CD300LB: variants seen among roughly 807,000 people sequenced by gnomAD.
The protein encoded by CD300LB is CD300 molecule like family member b, also known as CMRF35-like molecule 7.
CD300LB carries 18 observed loss-of-function variants against 20.8 expected under a neutral mutation model. The observed-to-expected ratio is 0.87, with a 90% CI of 0.60 to 1.28. The LOEUF is 1.28. CD300LB is among the 50% of genes most tolerant of loss of function. CD300LB has a pLI of 0.00. For missense variants in CD300LB, 222 were observed against 251.8 expected (o/e 0.88, Z 0.80); for synonymous variants, 91 against 91.3 (o/e 1.00, Z 0.02).
intron 1 of CD300LB, among the ~76,000 whole-genome samples, chr17:74,530,610 TCTC>T (rs1908179221): frequency 1.3e-5 from 2 of 151,170 alleles, no homozygotes; most frequent in African/African-American, 2.4e-5. Context: ...TCTAGAGTGT[TCTC>T]CTCTCAGCTC....
chr17:74,523,779 C>A, intron 2 of CD300LB, 128 bp from the exon 3 acceptor site: 1 of 680,428 alleles, frequency 1.5e-6, no homozygotes, highest in South Asian at 1.5e-5. Context: ...GGATTTTTCT[C>A]TCCTGCTACA....
intron 2 of CD300LB, among the ~76,000 whole-genome samples, chr17:74,525,174 C>T (rs1248092190): frequency 5.9e-5 from 9 of 152,230 alleles, no homozygotes; most frequent in Non-Finnish European, 1.0e-4. Flanking sequence ...GAGGAGAAGC[C>T]AGGGCACCCA....
rs73995630 is a variant in CD300LB at position 74,521,311 on chromosome 17, G to A, written c.*1427C>T. ...GCACCATGCTTTGGCTTTCCCTCCC[G>A]CGGAGCGGTGCCGTCCTCCCTGGGT... On this transcript the variant is annotated 3_prime_UTR_variant, in exon 4 of 4. Coordinates refer to ENST00000392621, the MANE Select transcript of CD300LB (RefSeq NM_174892.4). 1.0e-4 allele frequency: 102 copies of A among 978,192 alleles called. No homozygotes were observed. Among genetic ancestry groups the A allele is most frequent in the African/African-American group, 5.8e-4 (33 of 57,234 alleles). 60.6% of individuals were successfully genotyped at this position (978,192 alleles called of 1,614,324 possible).
At chr17:74,525,609 G>A (rs1285395016) in intron 2 of CD300LB, 139 bp downstream of exon 2, 13 of 736,646 alleles carry the variant, frequency 1.8e-5, no homozygotes, top group Non-Finnish European at 2.4e-5. Context: ...TTGTCTGCCT[G>A]TCTGTCTGTC....
chr17:74,522,750 G>A lies in CD300LB; in HGVS notation c.594C>T (p.Asp198=), dbSNP rs539386924. Residue 198 remains aspartate (D), a synonymous_variant, in exon 4 of 4, where the codon GAC becomes GAT. Coordinates refer to ENST00000392621, the MANE Select transcript of CD300LB (RefSeq NM_174892.4). ...YMNFSEPLTK[D]MAT is the part of the protein sequence containing the mutation. Reference sequence around the variant, plus strand: ...CAGATCCATCTCTCTAAGTGGCCATGTCTTTAGTCAGAGGTTCGGAGAAGT... The same window carrying A: ...CAGATCCATCTCTCTAAGTGGCCATATCTTTAGTCAGAGGTTCGGAGAAGT... 85 of 1,614,190 alleles carry A rather than the reference G, an allele frequency of 5.3e-5. No homozygotes were observed. The East Asian group carries it at 7.8e-4, about 15-fold the overall frequency.
chr17:74,530,330 A>C (rs892789927), intron 1 of CD300LB, among the ~76,000 whole-genome samples: 1 of 152,098 alleles, frequency 6.6e-6, no homozygotes, highest in Non-Finnish European at 1.5e-5. Context: ...CATGGAGAAG[A>C]TCATCTAGCC....
At chr17:74,529,388 T>G (rs535990264) in intron 1 of CD300LB, among the ~76,000 whole-genome samples, 13 of 152,128 alleles carry the variant, frequency 8.5e-5, no homozygotes, top group Non-Finnish European at 1.6e-4. Flanking sequence ...ACCCCCAAGA[T>G]GTCCTGCACA....
At chr17:74,524,459 G>T (rs708601) in intron 2 of CD300LB, among the ~76,000 whole-genome samples, 19,101 of 152,028 alleles carry the variant, frequency 0.13, 1,405 homozygotes, top group East Asian at 0.32. Context: ...GTGGTCATGT[G>T]CCCCTGTAGT....
At chr17:74,527,813 A>G (rs1908080499) in intron 1 of CD300LB, among the ~76,000 whole-genome samples, 2 of 152,194 alleles carry the variant, frequency 1.3e-5, no homozygotes, top group African/African-American at 4.8e-5. Flanking sequence ...CAACCCCAGG[A>G]CAACAGACTA....
At chr17:74,527,728 C>T (rs112204286) in intron 1 of CD300LB, among the ~76,000 whole-genome samples, 32 of 152,106 alleles carry the variant, frequency 2.1e-4, no homozygotes, top group African/African-American at 7.0e-4. Flanking sequence ...AAGAGGCCAC[C>T]GGCCAAGGAA....
chr17:74,523,419 T>C (rs758854967), intron 3 of CD300LB, 160 bp downstream of exon 3: 3 of 638,734 alleles, frequency 4.7e-6, no homozygotes, highest in South Asian at 3.4e-5. Context: ...AGATGGTGGA[T>C]TGCAGTGATG....
At position 74,523,566 on chromosome 17, in the gene CD300LB, C is replaced by A; in HGVS notation, c.443+13G>T. 2.5e-6 allele frequency: 4 copies of A among 1,598,614 alleles called. No homozygotes were observed. Among genetic ancestry groups the A allele is most frequent in the Non-Finnish European group, 3.4e-6 (4 of 1,165,856 alleles). ...CCCCAGGTAGGGGCAGGAGAAAGAA[C>A]CACATGACTCACCTCTTGTGGGAGC... On this transcript the variant is annotated intron_variant, in intron 3 of 3. Transcript: ENST00000392621.
At chr17:74,527,503 G>T (rs114247832) in intron 1 of CD300LB, among the ~76,000 whole-genome samples, 1 of 152,214 alleles carries the variant, frequency 6.6e-6, no homozygotes, top group African/African-American at 2.4e-5. Flanking sequence ...ATTCGTGGTT[G>T]GTAGAATAAT....
At chr17:74,530,006 A>G (rs1358421314) in intron 1 of CD300LB, among the ~76,000 whole-genome samples, 1 of 152,234 alleles carries the variant, frequency 6.6e-6, no homozygotes, top group Non-Finnish European at 1.5e-5. Context: ...GGCTGGAACT[A>G]TTAATCAGGC....
At chr17:74,530,573 A>ACACC (rs1279265783) in intron 1 of CD300LB, among the ~76,000 whole-genome samples, 3 of 141,384 alleles carry the variant, frequency 2.1e-5, no homozygotes, top group African/African-American at 9.4e-5. Context: ...ACACACACAC[A>ACACC]CACACACACA....
rs765329022 is a variant in CD300LB, at chr17:74,522,768, G to A, written c.576C>T (p.Ser192=). 2.4e-5 allele frequency: 39 copies of A among 1,614,152 alleles called. No homozygotes were observed. Among genetic ancestry groups the A allele is most frequent in the East Asian group, 1.8e-4 (8 of 44,882 alleles). Residue 192 remains serine, a synonymous_variant, in exon 4 of 4, where the codon TCC becomes TCT. Coordinates refer to ENST00000392621, the MANE Select transcript of CD300LB (RefSeq NM_174892.4). ...PGEQPIYMNF[S]EPLTKDMAT is the part of the protein sequence containing the mutation. The stretch of plus-strand genomic sequence containing the variant: ...TGGCCATGTCTTTAGTCAGAGGTTC[G>A]GAGAAGTTCATGTAGATAGGCTGTT...
At chr17:74,523,673 C>T (rs1334161429) in intron 2 of CD300LB, 22 bp from the exon 3 acceptor site, 6 of 1,573,296 alleles carry the variant, frequency 3.8e-6, no homozygotes, top group Non-Finnish European at 5.3e-6. Context: ...CAAAGTCAGC[C>T]ATGGGTTATT....
Position 74,525,742 on chromosome 17 carries a change from T to C in CD300LB, c.370+6A>G. 1 of 1,611,816 alleles carries C rather than the reference T, an allele frequency of 6.2e-7. No homozygotes were observed. The highest frequency in any genetic ancestry group is 8.5e-7 in the Non-Finnish European group (1 of 1,178,566). ...GGCCTCCTTGTGTAGATGAGAAAGTTCTTACCTGGGTCAACGATCACTTTC... is the reference window on the plus strand; with the variant it reads ...GGCCTCCTTGTGTAGATGAGAAAGTCCTTACCTGGGTCAACGATCACTTTC... On this transcript the variant is annotated splice_donor_region_variant and intron_variant, in intron 2 of 3. Transcript: ENST00000392621.
At chr17:74,528,676 A>G (rs1234570792) in intron 1 of CD300LB, among the ~76,000 whole-genome samples, 2 of 151,930 alleles carry the variant, frequency 1.3e-5, no homozygotes, top group Admixed American at 1.3e-4. Flanking sequence ...CGCAGGCCAC[A>G]AGGACAGCAT....
Sources: gnomAD v4.1 joint callset for allele counts (sites outside exome capture counted in the v4.1 genomes callset) on GRCh38, gnomAD v4.1.1 for gene constraint, MANE v1.5 for transcripts, NCBI Gene and HGNC (gene_info 2026-07-23, HGNC 2026-07-21) for gene names.